Variants in R3HCC1L observed in about 807,000 individuals in gnomAD.
R3HCC1L encodes R3H domain and coiled-coil containing 1 like.
A neutral mutation model predicts 59.9 loss-of-function variants in R3HCC1L; 51 were observed. The observed-to-expected ratio is 0.85, with a 90% confidence interval of 0.68 to 1.07. The LOEUF is 1.07. Ranked by LOEUF, R3HCC1L falls within the 50% of genes least tolerant of loss-of-function variation. The probability of loss-of-function intolerance (pLI) is 0.00; values close to 1 mark genes in which losing one functional copy is unlikely to be tolerated. For synonymous variants in R3HCC1L, 322 were observed against 315.2 expected (o/e 1.02, Z -0.23); for missense variants, 965 against 933.0 (o/e 1.03, Z -0.45).
chr10:98,218,290 G>T (rs1311484849), intron 5 of R3HCC1L, among the ~76,000 whole-genome samples: 1 of 151,636 alleles, frequency 6.6e-6, no homozygotes, highest in East Asian at 1.9e-4. Context: ...CCTTCATTCT[G>T]TTGATCTAAT....
At chr10:98,215,151 T>C (rs1453621986) in intron 5 of R3HCC1L, among the ~76,000 whole-genome samples, 2 of 152,170 alleles carry the variant, frequency 1.3e-5, no homozygotes, top group Non-Finnish European at 2.9e-5. Flanking sequence ...AGCGCTGATC[T>C]TAGTGATGTT....
intron 1 of R3HCC1L, among the ~76,000 whole-genome samples, chr10:98,145,775 C>A (rs544601144): frequency 6.6e-6 from 1 of 151,990 alleles, no homozygotes; most frequent in Non-Finnish European, 1.5e-5. Context: ...ATGATGGAAC[C>A]CTGTCTGTAC....
intron 1 of R3HCC1L, among the ~76,000 whole-genome samples, chr10:98,135,582 G>GT (rs1183767415): frequency 6.6e-6 from 1 of 152,198 alleles, no homozygotes; most frequent in East Asian, 1.9e-4. Flanking sequence ...GATCAAATTA[G>GT]TTAATAAATA....
chr10:98,204,087 G>C (rs1447505024), intron 4 of R3HCC1L, among the ~76,000 whole-genome samples: 1 of 152,120 alleles, frequency 6.6e-6, no homozygotes, highest in Non-Finnish European at 1.5e-5. Flanking sequence ...TTAGAACATT[G>C]CGAAAAAGTT....
intron 1 of R3HCC1L, among the ~76,000 whole-genome samples, chr10:98,154,570 T>C (rs1040190129): frequency 6.6e-6 from 1 of 152,018 alleles, no homozygotes; most frequent in Non-Finnish European, 1.5e-5. Context: ...ATACTACTTT[T>C]GCTCATATTC....
chr10:98,202,157 G>A (rs1162295826), intron 4 of R3HCC1L, among the ~76,000 whole-genome samples: 2 of 152,110 alleles, frequency 1.3e-5, no homozygotes, highest in Non-Finnish European at 2.9e-5. Context: ...TCCAAGGCCT[G>A]ACTGGTAAAA....
Position 98,169,354 on chromosome 10 carries a change from T to C in R3HCC1L, c.-15+5957T>C, listed in dbSNP as rs909105656. On this transcript the variant is annotated intron_variant, in intron 4 of 9. Coordinates refer to ENST00000298999, the MANE Select transcript of R3HCC1L (RefSeq NM_001351015.2). ...TTAGAAGTTGTGTGATCTTTAGTTA[T>C]TTAAGCTTCAGATTTCTCCTATATA... Among the ~76,000 whole-genome samples, 3 of 152,242 alleles carry C rather than the reference T, an allele frequency of 2.0e-5. No individual in the cohort carries two copies. In the South Asian group the frequency reaches 6.2e-4, roughly 31 times the overall value.
rs71007380 is a variant in R3HCC1L at position 98,183,958 on chromosome 10, G to GTTTTTT, written c.-15+20571_-15+20576dup. 2.2e-4 allele frequency among the ~76,000 whole-genome samples: 28 copies of GTTTTTT among 126,562 alleles called. 1 individual carries two copies. Among genetic ancestry groups the GTTTTTT allele is most frequent in the Admixed American group, 7.2e-4 (9 of 12,580 alleles). 83.0% of individuals were successfully genotyped at this position (126,562 alleles called of 152,430 possible). On this transcript the variant is annotated intron_variant, in intron 4 of 9. Transcript: ENST00000298999. Reference sequence around the variant, plus strand: ...TTTTTTTTTCTTTGCTCCTTTTTCGGTTTTTTTTTTTTTTTGGTTGAAATC... The same window carrying GTTTTTT: ...TTTTTTTTTCTTTGCTCCTTTTTCGGTTTTTTTTTTTTTTTTTTTTTGGTTGAAATC...
At position 98,211,910 on chromosome 10, in the gene R3HCC1L, T is replaced by G. The variant is rs868116288; in HGVS notation, c.1785+2011T>G. Among the ~76,000 whole-genome samples, 45 of 152,244 alleles carry G rather than the reference T, an allele frequency of 3.0e-4. No homozygotes were observed. In the Middle Eastern group the frequency reaches 0.01, roughly 35 times the overall value. Reference sequence around the variant, plus strand: ...GATAATTTAGGCAACAACTCAGTATTTCGAGGAGCATAGTAACATAAAGAG... The same window carrying G: ...GATAATTTAGGCAACAACTCAGTATGTCGAGGAGCATAGTAACATAAAGAG... On this transcript the variant is annotated intron_variant, in intron 5 of 9. Transcript: ENST00000298999.
chr10:98,154,357 GAT>G (rs1846625938), intron 1 of R3HCC1L, among the ~76,000 whole-genome samples: 1 of 152,092 alleles, frequency 6.6e-6, no homozygotes, highest in Admixed American at 6.5e-5. Context: ...GGTGTGTGCA[GAT>G]ATATATTGCA....
At chr10:98,230,077 A>G (rs1856184534) in intron 5 of R3HCC1L, among the ~76,000 whole-genome samples, 1 of 152,172 alleles carries the variant, frequency 6.6e-6, no homozygotes, top group South Asian at 2.1e-4. Flanking sequence ...CTTTGGTATC[A>G]GGATGATGCT....
chr10:98,220,386 CT>C (rs143442343), intron 5 of R3HCC1L, among the ~76,000 whole-genome samples: 3,184 of 127,914 alleles, frequency 0.025, 74 homozygotes, highest in African/African-American at 0.067. Flanking sequence ...TTTTTCCCAT[CT>C]TTTTTTTTTT....
At chr10:98,238,142 T>C (rs1442419957) in intron 9 of R3HCC1L, among the ~76,000 whole-genome samples, 1 of 152,194 alleles carries the variant, frequency 6.6e-6, no homozygotes, top group Non-Finnish European at 1.5e-5. Context: ...TGCTGTTGTT[T>C]TTGTTAGTAA....
chr10:98,136,254 A>G (rs1000918256), intron 1 of R3HCC1L, among the ~76,000 whole-genome samples: 1 of 152,162 alleles, frequency 6.6e-6, no homozygotes, highest in African/African-American at 2.4e-5. Flanking sequence ...ATACTTGAAA[A>G]TGGTCCAAAA....
chr10:98,201,649 A>G (rs1425870528), intron 4 of R3HCC1L, among the ~76,000 whole-genome samples: 1 of 152,202 alleles, frequency 6.6e-6, no homozygotes, highest in Non-Finnish European at 1.5e-5. Context: ...TTGCATTTGA[A>G]CACCAAACTT....
chr10:98,235,434 C>T lies in R3HCC1L; in HGVS notation c.2042C>T (p.Ala681Val), dbSNP rs143935716. Reference sequence around the variant, plus strand: ...TTATTCCTCTTTGCAGCTCGTGATGCGTTGGGTATTAAACACACCATGGTG... The same window carrying T: ...TTATTCCTCTTTGCAGCTCGTGATGTGTTGGGTATTAAACACACCATGGTG... ...VFSSPITARDALGIKHTMVKI... is the reference protein window; with the variant it reads ...VFSSPITARDVLGIKHTMVKI... Residue 681 changes from alanine to valine, a missense_variant, in exon 8 of 10, where the codon GCG becomes GTG. By Grantham distance (64) the Ala-to-Val change is moderately conservative. Transcript: ENST00000298999. The T allele has an allele frequency of 2.1e-4, 342 of 1,613,060 alleles. No individual in the cohort carries two copies. In the African/African-American group the frequency reaches 3.5e-3, roughly 16 times the overall value.
At chr10:98,204,103 T>C (rs1471463681) in intron 4 of R3HCC1L, among the ~76,000 whole-genome samples, 1 of 152,084 alleles carries the variant, frequency 6.6e-6, no homozygotes, top group African/African-American at 2.4e-5. Flanking sequence ...AAGTTAAAAC[T>C]GTGTTAAAAG....
chr10:98,231,077 T>C (rs1339345929), intron 5 of R3HCC1L: 1 of 411,092 alleles, frequency 2.4e-6, no homozygotes, highest in Non-Finnish European at 4.8e-6. Flanking sequence ...ATTTAAAAAC[T>C]TTTTTTCATT....
intron 5 of R3HCC1L, among the ~76,000 whole-genome samples, chr10:98,220,166 A>G (rs1257572488): frequency 5.9e-5 from 9 of 151,588 alleles, no homozygotes; most frequent in Non-Finnish European, 7.4e-5. Context: ...CCTCAATTGT[A>G]TTTTTTGTTT....
Sources: gnomAD v4.1 joint callset for allele counts (sites outside exome capture counted in the v4.1 genomes callset) on GRCh38, gnomAD v4.1.1 for gene constraint, MANE v1.5 for transcripts, NCBI Gene and HGNC (gene_info 2026-07-23, HGNC 2026-07-21) for gene names.